The following SCHIP1 variants were observed in gnomAD, a reference collection of about 807,000 sequenced individuals.
The protein encoded by SCHIP1 is schwannomin interacting protein 1, also known as schwannomin-interacting protein 1.
A neutral mutation model predicts 29.7 loss-of-function variants in SCHIP1; 8 were observed. That is an observed-to-expected ratio of 0.27 (90% CI 0.16 to 0.49). The LOEUF (loss-of-function observed/expected upper bound fraction) is 0.49, where lower values mean the gene tolerates loss of function less well. Among genes scored for constraint, SCHIP1 ranks in the 20% least tolerant of loss-of-function variants. The pLI is 0.99. For missense variants in SCHIP1, 193 were observed against 294.6 expected (o/e 0.66, Z 2.52); for synonymous variants, 76 against 94.9 (o/e 0.80, Z 1.16).
At chr3:159,699,583 G>A in the SCHIP1 span, among the ~76,000 whole-genome samples, 4 of 152,230 alleles carry the variant, frequency 2.6e-5, no homozygotes, top group African/African-American at 9.6e-5. Context: ...TTGTAAGGCT[G>A]TGGGAAGTAT....
the SCHIP1 span, among the ~76,000 whole-genome samples, chr3:159,387,882 T>C: frequency 6.6e-6 from 1 of 152,194 alleles, no homozygotes; most frequent in Non-Finnish European, 1.5e-5. Flanking sequence ...TCAAGTGATA[T>C]CAGTATAGAC....
chr3:159,622,050 G>A, the SCHIP1 span, among the ~76,000 whole-genome samples: 2,451 of 152,310 alleles, frequency 0.016, 73 homozygotes, highest in African/African-American at 0.056. Context: ...CAACACAGCG[G>A]CATCCCTTTT....
chr3:159,299,237 A>G, the SCHIP1 span, among the ~76,000 whole-genome samples: 20 of 152,282 alleles, frequency 1.3e-4, no homozygotes, highest in African/African-American at 4.6e-4. Flanking sequence ...AAAACTGTCA[A>G]ATTAGTCTGC....
At chr3:159,623,972 G>C in the SCHIP1 span, among the ~76,000 whole-genome samples, 2 of 152,084 alleles carry the variant, frequency 1.3e-5, no homozygotes, top group South Asian at 2.1e-4. Flanking sequence ...TTATAGGAGG[G>C]ACAAGATTCT....
chr3:159,489,848 G>A, the SCHIP1 span, among the ~76,000 whole-genome samples: 1 of 152,088 alleles, frequency 6.6e-6, no homozygotes, highest in African/African-American at 2.4e-5. Flanking sequence ...GTGAAACAAT[G>A]CATATGGTCT....
chr3:159,429,582 ATGG>A, the SCHIP1 span, among the ~76,000 whole-genome samples: 1 of 152,154 alleles, frequency 6.6e-6, no homozygotes, highest in Non-Finnish European at 1.5e-5. Context: ...AAAGTATTTT[ATGG>A]ATATTAACTA....
chr3:159,704,881 TTTCTTTCTTTCTTTCTTTCTTTCTTTA>T, the SCHIP1 span, among the ~76,000 whole-genome samples: 1 of 77,166 alleles, frequency 1.3e-5, no homozygotes, highest in Admixed American at 1.4e-4. Flanking sequence ...TCTTTCTTTC[TTTCTTTCTTTCTTTCTTTCTTTCTTTA>T]TTTCTTTCTT....
At chr3:159,752,921 C>G in the SCHIP1 span, among the ~76,000 whole-genome samples, 1 of 152,190 alleles carries the variant, frequency 6.6e-6, no homozygotes, top group Admixed American at 6.5e-5. Context: ...ATGTAAACAT[C>G]TATTTTTTGA....
chr3:159,843,025 T>TTTTTTTTTTTTTTTTTTTTTTG, intron 1 of SCHIP1, among the ~76,000 whole-genome samples: 1 of 99,634 alleles, frequency 1.0e-5, no homozygotes, highest in Admixed American at 1.1e-4. Context: ...TTTTTTTTTT[T>TTTTTTTTTTTTTTTTTTTTTTG]TTTTGAGATG....
the SCHIP1 span, among the ~76,000 whole-genome samples, chr3:159,468,029 C>T: frequency 4.6e-5 from 7 of 152,172 alleles, no homozygotes; most frequent in East Asian, 9.7e-4. Flanking sequence ...GTTCCAAGTG[C>T]GGCTTCTTGA....
chr3:159,354,937 A>G, the SCHIP1 span, among the ~76,000 whole-genome samples: 1 of 152,210 alleles, frequency 6.6e-6, no homozygotes, highest in Non-Finnish European at 1.5e-5. Context: ...GCCTTTTCCA[A>G]CCTGTTAAGA....
the SCHIP1 span, among the ~76,000 whole-genome samples, chr3:159,745,879 G>A: frequency 6.6e-6 from 1 of 152,092 alleles, no homozygotes; most frequent in Non-Finnish European, 1.5e-5. Flanking sequence ...AATTTTTGGT[G>A]TTTGTCTAAT....
the SCHIP1 span, among the ~76,000 whole-genome samples, chr3:159,331,513 G>T: frequency 6.6e-6 from 1 of 152,062 alleles, no homozygotes; most frequent in Non-Finnish European, 1.5e-5. Flanking sequence ...GATTCATCAA[G>T]CTCTGCATAT....
At chr3:159,614,313 C>T in the SCHIP1 span, among the ~76,000 whole-genome samples, 1 of 152,178 alleles carries the variant, frequency 6.6e-6, no homozygotes, top group Non-Finnish European at 1.5e-5. Context: ...AACTGTAAAT[C>T]TAAAGGCCAT....
the SCHIP1 span, among the ~76,000 whole-genome samples, chr3:159,571,920 G>A: frequency 2.6e-5 from 4 of 152,220 alleles, no homozygotes; most frequent in Non-Finnish European, 5.9e-5. Flanking sequence ...GTATAGAGGT[G>A]TTTCTGGTAT....
chr3:159,803,893 A>G, the SCHIP1 span, among the ~76,000 whole-genome samples: 2 of 148,540 alleles, frequency 1.3e-5, no homozygotes, highest in East Asian at 4.0e-4. Context: ...GGTAGGCTTT[A>G]TCCATTCCCA....
chr3:159,626,167 TATATC>T, the SCHIP1 span, among the ~76,000 whole-genome samples: 2 of 107,240 alleles, frequency 1.9e-5, no homozygotes, highest in Non-Finnish European at 1.6e-5. Context: ...TATATCTAGA[TATATC>T]TATCTATCTA....
chr3:159,511,027 T>A, the SCHIP1 span, among the ~76,000 whole-genome samples: 1 of 152,224 alleles, frequency 6.6e-6, no homozygotes, highest in African/African-American at 2.4e-5. Context: ...CTGCAGAGGT[T>A]TCTGCTGCCT....
chr3:159,427,575 C>G, the SCHIP1 span, among the ~76,000 whole-genome samples: 6 of 152,244 alleles, frequency 3.9e-5, no homozygotes, highest in African/African-American at 1.4e-4. Context: ...ACATTCCATG[C>G]TCATGGGTAG....
Sources: allele counts gnomAD v4.1 joint callset (sites outside exome capture counted in the v4.1 genomes callset), GRCh38; gene constraint gnomAD v4.1.1; transcripts MANE v1.5; gene names NCBI Gene and HGNC (gene_info 2026-07-23, HGNC 2026-07-21).